Variants in CCDC198 observed in about 807,000 individuals in gnomAD.
CCDC198 encodes coiled-coil domain containing 198.
In CCDC198, 18 loss-of-function variants were observed where a neutral mutation model predicts 35.6. The ratio of observed to expected loss-of-function variants is 0.51; its 90% confidence interval spans 0.35 to 0.75. The LOEUF is 0.75. CCDC198 is among the 30% of genes least tolerant of loss of function. The pLI, the probability that CCDC198 is intolerant of heterozygous loss-of-function variation, is 0.01. For missense variants in CCDC198, 365 were observed against 343.7 expected (o/e 1.06, Z -0.49); for synonymous variants, 119 against 113.4 (o/e 1.05, Z -0.31).
At chr14:57,475,347 C>G in intron 5 of CCDC198, 1 of 976,972 alleles carries the variant, frequency 1.0e-6, no homozygotes, top group Non-Finnish European at 1.2e-6. Context: ...AGAAAGAGTG[C>G]AGGTGGCCAG....
intron 2 of CCDC198, among the ~76,000 whole-genome samples, chr14:57,487,978 C>A (rs539402240): frequency 1.3e-5 from 2 of 152,258 alleles, no homozygotes; most frequent in East Asian, 3.9e-4. Flanking sequence ...ACTCTGCCCA[C>A]ATATCTACTG....
At chr14:57,491,132 G>T (rs995897043) in intron 1 of CCDC198, 61 bp from the exon 2 acceptor site, 1 of 1,513,762 alleles carries the variant, frequency 6.6e-7, no homozygotes, top group Non-Finnish European at 9.1e-7. Context: ...ATTAAATCAG[G>T]CAATCATTAG....
At chr14:57,484,720 G>T (rs954422947) in intron 2 of CCDC198, among the ~76,000 whole-genome samples, 3 of 152,194 alleles carry the variant, frequency 2.0e-5, no homozygotes, top group African/African-American at 7.2e-5. Flanking sequence ...GAGAGGTGAG[G>T]CAGGGGCCAG....
intron 1 of CCDC198, among the ~76,000 whole-genome samples, chr14:57,492,555 T>C (rs1426346465): frequency 6.6e-6 from 1 of 152,034 alleles, no homozygotes; most frequent in Non-Finnish European, 1.5e-5. Context: ...CCCATCCATG[T>C]GCTTAAGAAC....
At chr14:57,489,491 A>T (rs937841862) in intron 2 of CCDC198, among the ~76,000 whole-genome samples, 3 of 152,058 alleles carry the variant, frequency 2.0e-5, no homozygotes, top group Non-Finnish European at 4.4e-5. Context: ...TTTTATAACA[A>T]ACCTACACAT....
At chr14:57,478,695 A>T in intron 5 of CCDC198, 1 of 1,015,752 alleles carries the variant, frequency 9.8e-7, no homozygotes, top group Admixed American at 5.3e-5. Flanking sequence ...GTACGGTTTA[A>T]ATGGTAAAAA....
rs761848338 is a variant in CCDC198, at chr14:57,469,724, T to C, written c.*1631A>G. On this transcript the variant is annotated 3_prime_UTR_variant, in exon 6 of 6. Coordinates refer to ENST00000216445, the MANE Select transcript of CCDC198 (RefSeq NM_018168.4). ...CTACTCACAAAGAACTGGGAATAGA[T>C]ATGGCCTGGGACAATCTAATAGCCT... The C allele has an allele frequency of 6.6e-6, 1 of 152,188 alleles. No individual in the cohort carries two copies. The highest frequency in any genetic ancestry group is 1.5e-5 in the Non-Finnish European group (1 of 68,032). 9.4% of individuals were successfully genotyped at this position (152,188 alleles called of 1,614,324 possible).
rs985675168 is a variant in CCDC198 at position 57,470,292 on chromosome 14, T to C, written c.*1063A>G. On this transcript the variant is annotated 3_prime_UTR_variant, in exon 6 of 6. Transcript: ENST00000216445. ...TGTGAATTTCCTTTAGAAACTCACTTTTATTTGTCTCCAGTCTACTTTTTC... is the reference window on the plus strand; with the variant it reads ...TGTGAATTTCCTTTAGAAACTCACTCTTATTTGTCTCCAGTCTACTTTTTC... The C allele has an allele frequency of 6.6e-6, 1 of 152,152 alleles. No homozygotes were observed. The highest frequency in any genetic ancestry group is 2.4e-5 in the African/African-American group (1 of 41,424). 9.4% of individuals were successfully genotyped at this position (152,152 alleles called of 1,614,324 possible).
At chr14:57,481,463 A>T in intron 4 of CCDC198, 96 bp downstream of exon 4, 1 of 813,860 alleles carries the variant, frequency 1.2e-6, no homozygotes, top group South Asian at 1.7e-5. Flanking sequence ...TAAAATGCTA[A>T]GTAAAGACTG....
intron 3 of CCDC198, among the ~76,000 whole-genome samples, chr14:57,482,489 C>G (rs1017454767): frequency 6.6e-6 from 1 of 152,172 alleles, no homozygotes; most frequent in Non-Finnish European, 1.5e-5. Context: ...AGCTCCAAAA[C>G]AAATTAGGAG....
intron 5 of CCDC198, among the ~76,000 whole-genome samples, chr14:57,473,963 G>C (rs967717046): frequency 2.6e-5 from 4 of 152,042 alleles, no homozygotes; most frequent in African/African-American, 9.7e-5. Context: ...CAAAATTCCA[G>C]CACCCATGGT....
chr14:57,475,461 C>T (rs758234285), intron 5 of CCDC198: 17 of 1,240,570 alleles, frequency 1.4e-5, no homozygotes, highest in African/African-American at 1.1e-4. Context: ...TGTGGCCAGG[C>T]GCGGTGGCTC....
At chr14:57,481,369 G>T (rs2067178945) in intron 4 of CCDC198, among the ~76,000 whole-genome samples, 190 bp downstream of exon 4, 1 of 152,156 alleles carries the variant, frequency 6.6e-6, no homozygotes, top group Non-Finnish European at 1.5e-5. Context: ...ACTTAGAAAA[G>T]ACTCAACAAG....
intron 5 of CCDC198, chr14:57,475,190 G>A (rs1431616609): frequency 3.9e-6 from 1 of 256,678 alleles, no homozygotes; most frequent in Non-Finnish European, 6.1e-6. Flanking sequence ...GAACCCGGGA[G>A]GCGGAGCTTG....
At chr14:57,478,581 T>C in intron 5 of CCDC198, 1 of 988,690 alleles carries the variant, frequency 1.0e-6, no homozygotes, top group South Asian at 4.6e-5. Flanking sequence ...TTCCAGGGAC[T>C]TTGCCAATGC....
intron 5 of CCDC198, among the ~76,000 whole-genome samples, chr14:57,476,421 C>A (rs1003908322): frequency 6.6e-6 from 1 of 152,064 alleles, no homozygotes; most frequent in Non-Finnish European, 1.5e-5. Context: ...AGGTCAGTTC[C>A]GGTGCTCTTC....
intron 3 of CCDC198, among the ~76,000 whole-genome samples, chr14:57,481,985 C>T (rs540146321): frequency 6.6e-6 from 1 of 152,318 alleles, no homozygotes; most frequent in African/African-American, 2.4e-5. Context: ...TACCACCTCT[C>T]CAGAATTGTG....
intron 5 of CCDC198, among the ~76,000 whole-genome samples, chr14:57,474,300 A>C (rs2066904997): frequency 6.6e-6 from 1 of 152,226 alleles, no homozygotes. Flanking sequence ...AAAAGGCCCC[A>C]TTCATTGGGG....
chr14:57,487,373 A>C (rs2067401259), intron 2 of CCDC198, among the ~76,000 whole-genome samples: 1 of 152,144 alleles, frequency 6.6e-6, no homozygotes, highest in African/African-American at 2.4e-5. Flanking sequence ...TGCAATGTCA[A>C]TTGATTGGTC....
Sources: allele counts gnomAD v4.1 joint callset (sites outside exome capture counted in the v4.1 genomes callset), GRCh38; gene constraint gnomAD v4.1.1; transcripts MANE v1.5; gene names NCBI Gene and HGNC (gene_info 2026-07-23, HGNC 2026-07-21).